GNAQ: variants seen among roughly 807,000 people sequenced by gnomAD.
GNAQ encodes G protein subunit alpha q.
A neutral mutation model predicts 43.9 loss-of-function variants in GNAQ; 8 were observed. That is an observed-to-expected ratio of 0.18 (90% CI 0.11 to 0.33). The LOEUF (loss-of-function observed/expected upper bound fraction) is 0.33, where lower values mean the gene tolerates loss of function less well. GNAQ is among the 10% of genes least tolerant of loss of function. GNAQ has a pLI of 1.00. For missense variants in GNAQ, 158 were observed against 450.8 expected (o/e 0.35, Z 5.88); for synonymous variants, 155 against 170.7 (o/e 0.91, Z 0.71).
At chr9:77,881,679 T>C (rs945885161) in intron 2 of GNAQ, among the ~76,000 whole-genome samples, 4 of 152,170 alleles carry the variant, frequency 2.6e-5, no homozygotes, top group African/African-American at 4.8e-5. Flanking sequence ...CCACCATGCC[T>C]GGCTGGTTGA....
chr9:77,981,515 G>T (rs1823367865), intron 1 of GNAQ, among the ~76,000 whole-genome samples: 1 of 152,180 alleles, frequency 6.6e-6, no homozygotes, highest in Non-Finnish European at 1.5e-5. Context: ...AGCAAGGGAG[G>T]TGCATGCAGA....
At chr9:77,975,597 T>C (rs1418729913) in intron 1 of GNAQ, among the ~76,000 whole-genome samples, 2 of 144,094 alleles carry the variant, frequency 1.4e-5, no homozygotes, top group Non-Finnish European at 3.0e-5. Context: ...TGGAGGGCAG[T>C]GGCGCGATCT....
chr9:78,000,894 TA>T (rs1823635534), intron 1 of GNAQ, among the ~76,000 whole-genome samples: 1 of 152,116 alleles, frequency 6.6e-6, no homozygotes, highest in South Asian at 2.1e-4. Context: ...AAATATTTAA[TA>T]ACCAAACAGA....
intron 2 of GNAQ, among the ~76,000 whole-genome samples, chr9:77,887,696 CT>C (rs1828332411): frequency 6.6e-6 from 1 of 152,128 alleles, no homozygotes; most frequent in South Asian, 2.1e-4. Flanking sequence ...TATTATTGTT[CT>C]ACCATATATT....
chr9:77,820,439 C>G (rs918779388), intron 2 of GNAQ, among the ~76,000 whole-genome samples: 5 of 152,170 alleles, frequency 3.3e-5, no homozygotes, highest in Non-Finnish European at 7.3e-5. Flanking sequence ...TGACAAAGAA[C>G]AGCAAAGTCA....
intron 4 of GNAQ, 110 bp downstream of exon 4, chr9:77,797,410 A>G: frequency 1.3e-6 from 1 of 798,272 alleles, no homozygotes; most frequent in East Asian, 2.5e-5. Flanking sequence ...TAATTGGTAT[A>G]AAGCCTATCT....
intron 2 of GNAQ, among the ~76,000 whole-genome samples, chr9:77,834,683 G>C (rs1225663013): frequency 6.6e-6 from 1 of 152,124 alleles, no homozygotes; most frequent in African/African-American, 2.4e-5. Flanking sequence ...ATGCTGGTGG[G>C]AGCAAGAGCT....
chr9:77,928,410 G>C (rs1477560026), intron 1 of GNAQ, among the ~76,000 whole-genome samples: 4 of 152,156 alleles, frequency 2.6e-5, no homozygotes, highest in African/African-American at 7.2e-5. Flanking sequence ...ACTACAAGTG[G>C]AAACTGGACA....
chr9:77,904,424 C>T (rs542547112), intron 2 of GNAQ, among the ~76,000 whole-genome samples: 3 of 149,794 alleles, frequency 2.0e-5, no homozygotes, highest in African/African-American at 7.4e-5. Flanking sequence ...GCTCCACCTC[C>T]CGGGTTCACC....
chr9:77,895,560 A>C (rs904111503), intron 2 of GNAQ, among the ~76,000 whole-genome samples: 1 of 152,316 alleles, frequency 6.6e-6, no homozygotes, highest in Non-Finnish European at 1.5e-5. Flanking sequence ...TGAGGCCCTC[A>C]GAAGAATCCA....
rs1824065503 is a variant in GNAQ at position 78,031,727 on chromosome 9, T to G, written c.-492A>C. Among the ~76,000 whole-genome samples, 1 of 147,118 alleles carries G rather than the reference T, an allele frequency of 6.8e-6. No homozygotes were observed. Among genetic ancestry groups the G allele is most frequent in the Non-Finnish European group, 1.5e-5 (1 of 66,214 alleles). On this transcript the variant is annotated 5_prime_UTR_variant, in exon 1 of 7. Coordinates refer to ENST00000286548, the MANE Select transcript of GNAQ (RefSeq NM_002072.5). ...GGCGCGCCCGCTCCTCGCCGCCGCC[T>G]GACACGGCTCCCGGGCGCCCTCGGC...
intron 5 of GNAQ, among the ~76,000 whole-genome samples, chr9:77,753,423 A>G (rs1483789087): frequency 6.6e-6 from 1 of 152,256 alleles, no homozygotes; most frequent in Non-Finnish European, 1.5e-5. Context: ...GATGATAAAC[A>G]GTCCTTTTGT....
At chr9:77,794,412 T>G (rs746233675) in intron 5 of GNAQ, 51 bp downstream of exon 5, 2 of 1,268,696 alleles carry the variant, frequency 1.6e-6, no homozygotes, top group Non-Finnish European at 1.1e-6. Flanking sequence ...TATCATTTAC[T>G]TGTATCAGAT....
intron 1 of GNAQ, among the ~76,000 whole-genome samples, chr9:78,002,022 T>A (rs1377523955): frequency 6.6e-6 from 1 of 152,202 alleles, no homozygotes; most frequent in East Asian, 1.9e-4. Context: ...TGTAAATTTA[T>A]CCAGAAGATA....
intron 1 of GNAQ, among the ~76,000 whole-genome samples, chr9:78,006,833 A>G (rs1458636804): frequency 1.3e-5 from 2 of 152,198 alleles, no homozygotes; most frequent in Admixed American, 6.5e-5. Context: ...TTGATGGGGT[A>G]AAAGATCACA....
chr9:77,754,468 CTTTT>C, intron 5 of GNAQ, among the ~76,000 whole-genome samples: 1 of 152,286 alleles, frequency 6.6e-6, no homozygotes, highest in Non-Finnish European at 1.5e-5. Flanking sequence ...ACAGCTGTTT[CTTTT>C]AATTATTCCA....
intron 2 of GNAQ, among the ~76,000 whole-genome samples, chr9:77,822,916 T>C (rs190819187): frequency 6.6e-6 from 1 of 151,944 alleles, no homozygotes; most frequent in African/African-American, 2.4e-5. Flanking sequence ...AAAACGGTAA[T>C]GAAGCATTTA....
intron 1 of GNAQ, among the ~76,000 whole-genome samples, chr9:78,001,492 T>C (rs966014880): frequency 6.6e-6 from 1 of 152,160 alleles, no homozygotes; most frequent in African/African-American, 2.4e-5. Flanking sequence ...AGAATGCATT[T>C]AATAAGTACA....
At chr9:77,854,753 C>A (rs570919694) in intron 2 of GNAQ, among the ~76,000 whole-genome samples, 85 of 152,176 alleles carry the variant, frequency 5.6e-4, no homozygotes, top group Non-Finnish European at 9.1e-4. Flanking sequence ...ATGCAATCTA[C>A]AGGGACCAAA....
Sources: allele counts gnomAD v4.1 joint callset (sites outside exome capture counted in the v4.1 genomes callset), GRCh38; gene constraint gnomAD v4.1.1; transcripts MANE v1.5; gene names NCBI Gene and HGNC (gene_info 2026-07-23, HGNC 2026-07-21).